Variants in MYO1H observed in about 807,000 individuals in gnomAD.
MYO1H encodes the protein myosin IH, also known as unconventional myosin-Ih.
MYO1H carries 118 observed loss-of-function variants against 149.3 expected under a neutral mutation model. The ratio of observed to expected loss-of-function variants is 0.79; its 90% CI spans 0.68 to 0.92. The LOEUF (loss-of-function observed/expected upper bound fraction) is 0.92. Ranked by LOEUF, MYO1H falls within the 40% of genes least tolerant of loss-of-function variation. The pLI is 0.00. For synonymous variants in MYO1H, 447 were observed against 465.2 expected (o/e 0.96, Z 0.50); for missense variants, 1,212 against 1,280.7 (o/e 0.95, Z 0.82).
chr12:109,378,615 G>A (rs1005413554), intron 1 of MYO1H, among the ~76,000 whole-genome samples: 5 of 152,118 alleles, frequency 3.3e-5, no homozygotes, highest in Admixed American at 2.0e-4. Context: ...CACTGTGCCC[G>A]ACCTGCACCA....
chr12:109,316,366 C>G, the MYO1H span, among the ~76,000 whole-genome samples: 1 of 152,154 alleles, frequency 6.6e-6, no homozygotes, highest in African/African-American at 2.4e-5. Context: ...GGATCATGCT[C>G]CCCAGTAACA....
chr12:109,436,526 A>C, exon 22 of MYO1H: 1 of 1,611,140 alleles, frequency 6.2e-7, no homozygotes, highest in Non-Finnish European at 8.5e-7. Context: ...CTGCCTAGGA[A>C]GGAGAGAATA....
intron 1 of MYO1H, among the ~76,000 whole-genome samples, chr12:109,364,171 TAAAAAAAAAAAAA>T (rs746308903): frequency 7.3e-4 from 66 of 90,288 alleles, no homozygotes; most frequent in African/African-American, 2.6e-3. Context: ...ACCATGTCTT[TAAAAAAAAAAAAA>T]AAAAAAAAAA....
chr12:109,420,942 A>T (rs773631709), intron 15 of MYO1H, 39 bp from the exon 16 acceptor site: 2 of 1,070,578 alleles, frequency 1.9e-6, no homozygotes, highest in Non-Finnish European at 2.9e-6. Context: ...TTTTAGGCAG[A>T]GACATTGATT....
chr12:109,366,013 C>T (rs1199765121), intron 1 of MYO1H, among the ~76,000 whole-genome samples: 1 of 152,156 alleles, frequency 6.6e-6, no homozygotes, highest in African/African-American at 2.4e-5. Flanking sequence ...TTGAACACTC[C>T]TTATGAGGAT....
intron 15 of MYO1H, among the ~76,000 whole-genome samples, chr12:109,416,703 A>G (rs1311824757): frequency 1.7e-4 from 26 of 151,974 alleles, no homozygotes; most frequent in Admixed American, 1.7e-3. Context: ...AGATATGGTA[A>G]CTCGGCCGGG....
the MYO1H span, among the ~76,000 whole-genome samples, chr12:109,332,114 T>C: frequency 2.0e-5 from 3 of 152,252 alleles, no homozygotes; most frequent in Non-Finnish European, 4.4e-5. Flanking sequence ...TACTGGGATT[T>C]GCTATCTAAC....
chr12:109,438,693 G>T lies in MYO1H; in HGVS notation c.2294+73G>T, dbSNP rs552138072. ...CCCTGCAGGGATGGTCATGGAGGTAGATGAGTTCTTTGTGATTTTTTGATT... is the reference window on the plus strand; with the variant it reads ...CCCTGCAGGGATGGTCATGGAGGTATATGAGTTCTTTGTGATTTTTTGATT... On this transcript the variant is annotated intron_variant, in intron 23 of 31. Coordinates refer to ENST00000310903, the Ensembl canonical transcript of MYO1H. The T allele has an allele frequency of 2.6e-4, 299 of 1,129,450 alleles. 3 individuals carry two copies. In the South Asian group the frequency reaches 4.0e-3, roughly 15 times the overall value. 70.0% of individuals were successfully genotyped at this position (1,129,450 alleles called of 1,614,324 possible).
chr12:109,327,380 G>A, the MYO1H span, among the ~76,000 whole-genome samples: 64 of 151,146 alleles, frequency 4.2e-4, no homozygotes, highest in African/African-American at 1.5e-3. Context: ...TGATCCACCC[G>A]CCTCGGCCAC....
At chr12:109,396,090 T>G (rs114717565) in intron 3 of MYO1H, among the ~76,000 whole-genome samples, 31,470 of 151,878 alleles carry the variant, frequency 0.21, 4,143 homozygotes, top group African/African-American at 0.37. Flanking sequence ...GGCTAATTTT[T>G]GTATCTTTTT....
rs1872023331 is a variant in MYO1H at position 109,439,571 on chromosome 12, A to T, written c.2295-60A>T. On this transcript the variant is annotated intron_variant, in intron 23 of 31. Transcript: ENST00000310903. ...GCCTCTGAATCAAAGAAGGGGGAAG[A>T]GAATGTAAATCTCGGTGAAGAAATG... 1.6e-5 allele frequency: 24 copies of T among 1,520,454 alleles called. No homozygotes were observed. The South Asian group carries it at 2.7e-4, about 17-fold the overall frequency. The allele number at this position is 1,520,454 out of a possible 1,614,324, so 94.2% of individuals were successfully genotyped here. A position where few individuals can be genotyped will look rare whatever the true frequency, so the allele number is the denominator to read the frequency against.
chr12:109,421,022 A>C, exon 16 of MYO1H: 1 of 1,579,758 alleles, frequency 6.3e-7, no homozygotes, highest in South Asian at 1.1e-5. Context: ...CAGACATCTG[A>C]AAGAAGTAAG....
At chr12:109,348,810 G>C (rs1170572813) in intron 1 of MYO1H, among the ~76,000 whole-genome samples, 1 of 152,124 alleles carries the variant, frequency 6.6e-6, no homozygotes, top group Non-Finnish European at 1.5e-5. Context: ...TTCTTGCCTA[G>C]ACAGCCAAAA....
At chr12:109,406,622 C>G (rs1020428893) in intron 8 of MYO1H, among the ~76,000 whole-genome samples, 167 bp from the exon 9 acceptor site, 28 of 151,996 alleles carry the variant, frequency 1.8e-4, no homozygotes, top group African/African-American at 6.3e-4. Context: ...TGCACTCCAG[C>G]CTGGATGACA....
chr12:109,399,469 G>A (rs1276646131), intron 5 of MYO1H, among the ~76,000 whole-genome samples: 2 of 151,772 alleles, frequency 1.3e-5, no homozygotes, highest in Non-Finnish European at 2.9e-5. Context: ...GCGCACACCT[G>A]TAGTCCCAGC....
exon 18 of MYO1H, chr12:109,425,986 A>G (rs1405944871): frequency 6.2e-7 from 1 of 1,613,836 alleles, no homozygotes; most frequent in Admixed American, 1.7e-5. Flanking sequence ...AGCCTTCTAG[A>G]AACCCTCATC....
At chr12:109,358,828 G>A (rs1357225762) in intron 1 of MYO1H, among the ~76,000 whole-genome samples, 2 of 140,914 alleles carry the variant, frequency 1.4e-5, no homozygotes, top group African/African-American at 5.7e-5. Context: ...CACTTCTGGG[G>A]GAAGCATCCT....
chr12:109,398,741 CAAA>C (rs35031072), intron 5 of MYO1H, among the ~76,000 whole-genome samples: 11 of 52,002 alleles, frequency 2.1e-4, no homozygotes, highest in Admixed American at 1.1e-3. Flanking sequence ...AACTTCCTCT[CAAA>C]AAAAAAAAAA....
intron 14 of MYO1H, among the ~76,000 whole-genome samples, chr12:109,413,229 T>G (rs781493702): frequency 9.2e-5 from 14 of 152,194 alleles, no homozygotes; most frequent in Admixed American, 6.6e-4. Flanking sequence ...CCCACCTCAG[T>G]GTCCCAAAGT....
Sources: gnomAD v4.1 joint callset for allele counts (sites outside exome capture counted in the v4.1 genomes callset) on GRCh38, gnomAD v4.1.1 for gene constraint, MANE v1.5 for transcripts, NCBI Gene and HGNC (gene_info 2026-07-23, HGNC 2026-07-21) for gene names.